Variants in NELL1 observed in about 807,000 individuals in gnomAD.
NELL1 encodes protein kinase C-binding protein NELL1.
In NELL1, 76 loss-of-function variants were observed where a neutral mutation model predicts 107.4. The observed-to-expected ratio is 0.71, with a 90% CI of 0.59 to 0.86. The LOEUF (loss-of-function observed/expected upper bound fraction) is 0.86, where lower values mean the gene tolerates loss of function less well. Ranked by LOEUF, NELL1 falls within the 40% of genes least tolerant of loss-of-function variation. The pLI is 0.00. For missense variants in NELL1, 1,024 were observed against 1,005.5 expected, an observed-to-expected ratio of 1.02 and a Z score of -0.25; for synonymous variants, 353 against 341.2, an observed-to-expected ratio of 1.03 and a Z score of -0.38.
intron 12 of NELL1, among the ~76,000 whole-genome samples, chr11:21,041,330 T>G (rs1186202824): frequency 6.6e-6 from 1 of 152,192 alleles, no homozygotes; most frequent in East Asian, 1.9e-4. Context: ...ATAAAAATAG[T>G]TAATATAAAT....
At chr11:20,847,442 T>C in intron 3 of NELL1, 141 bp from the exon 4 acceptor site, 2 of 792,208 alleles carry the variant, frequency 2.5e-6, no homozygotes, top group South Asian at 3.9e-5. Flanking sequence ...CTACAGTGAA[T>C]TGACTTGAGG....
intron 11 of NELL1, among the ~76,000 whole-genome samples, chr11:20,948,745 C>T (rs948157741): frequency 3.6e-5 from 5 of 139,330 alleles, no homozygotes; most frequent in African/African-American, 1.3e-4. Flanking sequence ...TTAGGAGATC[C>T]TAGGATTTGT....
At chr11:20,671,247 C>G (rs1853901092) in intron 1 of NELL1, 1 of 152,330 alleles carries the variant, frequency 6.6e-6, no homozygotes, top group African/African-American at 2.4e-5. Flanking sequence ...CCAGGACACG[C>G]TGAAGGAGTG....
chr11:20,897,303 G>C, intron 5 of NELL1, among the ~76,000 whole-genome samples: 1 of 152,190 alleles, frequency 6.6e-6, no homozygotes, highest in Non-Finnish European at 1.5e-5. Context: ...ACAAAAATAA[G>C]AAATGGGGAA....
chr11:21,204,454 C>G (rs1857344887), intron 13 of NELL1, among the ~76,000 whole-genome samples: 1 of 151,842 alleles, frequency 6.6e-6, no homozygotes, highest in Non-Finnish European at 1.5e-5. Flanking sequence ...TGTTTTTCAG[C>G]TCCATCAGGT....
At chr11:20,703,036 T>TC (rs1307097573) in intron 2 of NELL1, among the ~76,000 whole-genome samples, 5 of 152,180 alleles carry the variant, frequency 3.3e-5, no homozygotes, top group Admixed American at 1.3e-4. Context: ...TAGGGAGGAT[T>TC]CCCTCTTTTT....
chr11:21,311,109 T>C (rs1333641242), intron 14 of NELL1, among the ~76,000 whole-genome samples: 1 of 152,156 alleles, frequency 6.6e-6, no homozygotes, highest in Non-Finnish European at 1.5e-5. Flanking sequence ...AGCAGCTTAT[T>C]GATGCTGTCA....
At chr11:21,425,498 A>G (rs559049581) in intron 15 of NELL1, among the ~76,000 whole-genome samples, 1 of 152,326 alleles carries the variant, frequency 6.6e-6, no homozygotes, top group East Asian at 1.9e-4. Context: ...ATTATAAGTG[A>G]GACACAAGAG....
chr11:21,560,436 C>T lies in NELL1; in HGVS notation c.1980+54C>T, dbSNP rs552221837. 6.8e-6 allele frequency: 10 copies of T among 1,464,214 alleles called. No individual in the cohort carries two copies. The Admixed American group carries it at 2.2e-4, about 33-fold the overall frequency. 90.7% of individuals were successfully genotyped at this position (1,464,214 alleles called of 1,614,324 possible). ...GAAACTGTTCTTTCTCTTCTTCCCT[C>T]ACTTTTCTACCTCCCCAGCTCTCTC... On this transcript the variant is annotated intron_variant, in intron 17 of 19. Coordinates refer to ENST00000357134, the MANE Select transcript of NELL1 (RefSeq NM_006157.5).
chr11:20,772,074 A>G (rs77811728), intron 2 of NELL1, among the ~76,000 whole-genome samples: 1 of 152,182 alleles, frequency 6.6e-6, no homozygotes, highest in Non-Finnish European at 1.5e-5. Context: ...ATCTGAGTAG[A>G]TGTGGCAAGG....
At chr11:20,975,583 CAT>C (rs1422365068) in intron 12 of NELL1, among the ~76,000 whole-genome samples, 6 of 141,780 alleles carry the variant, frequency 4.2e-5, no homozygotes, top group Admixed American at 2.9e-4. Context: ...ATTATATACA[CAT>C]ATGTAGATAT....
chr11:21,429,207 G>A (rs1013504428), intron 15 of NELL1, among the ~76,000 whole-genome samples: 1 of 152,116 alleles, frequency 6.6e-6, no homozygotes, highest in Non-Finnish European at 1.5e-5. Context: ...CACTGAAATA[G>A]TAATTTTAAA....
chr11:20,912,474 C>T (rs553190420), intron 5 of NELL1, among the ~76,000 whole-genome samples: 2 of 152,186 alleles, frequency 1.3e-5, no homozygotes, highest in Admixed American at 1.3e-4. Context: ...GTTACAATTT[C>T]AGAGGGTGAA....
At chr11:21,309,038 A>G (rs992423930) in intron 14 of NELL1, among the ~76,000 whole-genome samples, 7 of 151,632 alleles carry the variant, frequency 4.6e-5, no homozygotes, top group African/African-American at 1.7e-4. Context: ...GCCAGACATC[A>G]TTTTAGACAT....
chr11:21,019,479 T>G (rs1852647993), intron 12 of NELL1, among the ~76,000 whole-genome samples: 1 of 152,116 alleles, frequency 6.6e-6, no homozygotes, highest in African/African-American at 2.4e-5. Flanking sequence ...CGAGGCATTC[T>G]TGTCGAATTA....
chr11:20,735,126 A>G (rs1752268752), intron 2 of NELL1, among the ~76,000 whole-genome samples: 1 of 152,130 alleles, frequency 6.6e-6, no homozygotes, highest in Non-Finnish European at 1.5e-5. Flanking sequence ...TTCAAAGAAA[A>G]ACTCAGAAAG....
chr11:21,006,640 T>TGC (rs765274692), intron 12 of NELL1, among the ~76,000 whole-genome samples: 2 of 152,124 alleles, frequency 1.3e-5, no homozygotes, highest in Non-Finnish European at 1.5e-5. Context: ...TTGGCGCTTA[T>TGC]AAGTTTCAGT....
intron 4 of NELL1, among the ~76,000 whole-genome samples, chr11:20,850,465 T>G (rs1848775723): frequency 6.6e-6 from 1 of 152,232 alleles, no homozygotes; most frequent in Non-Finnish European, 1.5e-5. Context: ...TATTCCATAC[T>G]CATTCTATTA....
chr11:21,148,373 A>C (rs1856034443), intron 13 of NELL1, among the ~76,000 whole-genome samples: 1 of 152,124 alleles, frequency 6.6e-6, no homozygotes, highest in Non-Finnish European at 1.5e-5. Flanking sequence ...GAGGGTGGAT[A>C]CTGGGAGAGA....
Sources: allele counts gnomAD v4.1 joint callset (sites outside exome capture counted in the v4.1 genomes callset), GRCh38; gene constraint gnomAD v4.1.1; transcripts MANE v1.5; gene names NCBI Gene and HGNC (gene_info 2026-07-23, HGNC 2026-07-21).